MSRB3: variants seen among roughly 807,000 people sequenced by gnomAD.
The protein encoded by MSRB3 is methionine-R-sulfoxide reductase B3.
In MSRB3, 13 loss-of-function variants were observed where a neutral mutation model predicts 21.0. That is an observed-to-expected ratio of 0.62 (90% confidence interval 0.40 to 0.98). The LOEUF (loss-of-function observed/expected upper bound fraction) is 0.98. Ranked by LOEUF, MSRB3 falls within the 50% of genes least tolerant of loss-of-function variation. MSRB3 has a pLI of 0.00. For synonymous variants in MSRB3, 87 were observed against 88.6 expected (o/e 0.98, Z 0.10); for missense variants, 199 against 230.3 (o/e 0.86, Z 0.88).
At chr12:65,321,909 A>G (rs1177972475) in intron 2 of MSRB3, among the ~76,000 whole-genome samples, 1 of 152,196 alleles carries the variant, frequency 6.6e-6, no homozygotes, top group East Asian at 1.9e-4. Flanking sequence ...AACTCAAAGC[A>G]AAACAAGACA....
intron 5 of MSRB3, among the ~76,000 whole-genome samples, chr12:65,383,284 A>G (rs1166980109): frequency 6.6e-6 from 1 of 152,224 alleles, no homozygotes; most frequent in Non-Finnish European, 1.5e-5. Flanking sequence ...TAAAATTTGT[A>G]AAATAGTTTA....
intron 4 of MSRB3, among the ~76,000 whole-genome samples, chr12:65,356,069 G>A (rs1877363671): frequency 6.6e-6 from 1 of 151,870 alleles, no homozygotes; most frequent in Non-Finnish European, 1.5e-5. Context: ...AGATTTGAAG[G>A]AAGGGTTCTT....
rs189262950 is a variant in MSRB3 at position 65,364,410 on chromosome 12, A to G, written c.264-4588A>G. Among the ~76,000 whole-genome samples, 16 of 152,334 alleles carry G rather than the reference A, an allele frequency of 1.1e-4. No individual in the cohort carries two copies. In the East Asian group the frequency reaches 3.1e-3, roughly 29 times the overall value. ...AATCACCATCTTTTGGCAGTTGCCAAAAGAAACGGTTGAATAGTTTTGAAC... is the reference window on the plus strand; with the variant it reads ...AATCACCATCTTTTGGCAGTTGCCAGAAGAAACGGTTGAATAGTTTTGAAC... On this transcript the variant is annotated intron_variant, in intron 4 of 6. Coordinates refer to ENST00000308259, the MANE Select transcript of MSRB3 (RefSeq NM_001031679.3).
At chr12:65,289,199 A>G (rs550864572) in intron 1 of MSRB3, among the ~76,000 whole-genome samples, 143 of 152,364 alleles carry the variant, frequency 9.4e-4, no homozygotes, top group African/African-American at 3.4e-3. Flanking sequence ...TTAGAACATT[A>G]TATAAATGTT....
At chr12:65,355,637 T>G (rs1361012919) in intron 4 of MSRB3, among the ~76,000 whole-genome samples, 1 of 151,936 alleles carries the variant, frequency 6.6e-6, no homozygotes, top group Non-Finnish European at 1.5e-5. Context: ...TTTACTTCTA[T>G]GTACTCACTT....
chr12:65,316,703 TTATTATC>T (rs1183993175), intron 2 of MSRB3, among the ~76,000 whole-genome samples: 5 of 152,140 alleles, frequency 3.3e-5, no homozygotes, highest in Admixed American at 2.0e-4. Context: ...GGTTCAAATT[TTATTATC>T]TATAGGATGA....
intron 5 of MSRB3, among the ~76,000 whole-genome samples, chr12:65,398,279 C>T (rs990064040): frequency 6.6e-6 from 1 of 152,110 alleles, no homozygotes; most frequent in Non-Finnish European, 1.5e-5. Context: ...CTGTTGTTTC[C>T]TAACTTTTTG....
At chr12:65,365,620 A>G (rs1484743330) in intron 4 of MSRB3, among the ~76,000 whole-genome samples, 2 of 152,164 alleles carry the variant, frequency 1.3e-5, no homozygotes, top group African/African-American at 2.4e-5. Context: ...ACTTATTACT[A>G]GGCCTGGACC....
intron 5 of MSRB3, among the ~76,000 whole-genome samples, chr12:65,425,101 TA>T (rs1179393709): frequency 7.7e-6 from 1 of 130,618 alleles, no homozygotes; most frequent in Non-Finnish European, 1.7e-5. Context: ...GCTTTATCGT[TA>T]TATAATGGCC....
intron 5 of MSRB3, among the ~76,000 whole-genome samples, chr12:65,398,521 G>T (rs915845155): frequency 1.3e-5 from 2 of 152,060 alleles, no homozygotes; most frequent in Admixed American, 1.3e-4. Flanking sequence ...TTTGTCAGAT[G>T]GATAGATGGC....
chr12:65,297,150 A>T (rs61921471), intron 1 of MSRB3, among the ~76,000 whole-genome samples: 1 of 152,130 alleles, frequency 6.6e-6, no homozygotes, highest in Non-Finnish European at 1.5e-5. Flanking sequence ...GTTCTCACTT[A>T]TAAGTGGGGG....
At chr12:65,433,891 T>A (rs1592634378) in intron 5 of MSRB3, among the ~76,000 whole-genome samples, 1 of 151,872 alleles carries the variant, frequency 6.6e-6, no homozygotes, top group Admixed American at 6.6e-5. Flanking sequence ...GATGTGGCAG[T>A]TCAGGTTTTC....
At chr12:65,315,277 T>A (rs1018607590) in intron 2 of MSRB3, among the ~76,000 whole-genome samples, 2 of 152,224 alleles carry the variant, frequency 1.3e-5, no homozygotes, top group African/African-American at 4.8e-5. Context: ...AAATTTTAAA[T>A]CCTTATTTCA....
rs982344425 is a variant in MSRB3, at chr12:65,464,777, C to T, written c.*1455C>T. ...CAAACAGAATCCAAGTGGGGTGGCC[C>T]TTGTGCACAGAGCTCCAGGTGACCT... On this transcript the variant is annotated 3_prime_UTR_variant, in exon 7 of 7. Transcript: ENST00000308259. 2.0e-5 allele frequency: 3 copies of T among 152,200 alleles called. No individual in the cohort carries two copies. The highest frequency in any genetic ancestry group is 7.2e-5 in the African/African-American group (3 of 41,438). 9.4% of individuals were successfully genotyped at this position (152,200 alleles called of 1,614,324 possible).
Position 65,373,136 on chromosome 12 carries a change from C to A in MSRB3, c.292+4110C>A, listed in dbSNP as rs1878415366. 3.3e-5 allele frequency among the ~76,000 whole-genome samples: 5 copies of A among 152,068 alleles called. No homozygotes were observed. In the South Asian group the frequency reaches 1.0e-3, roughly 31 times the overall value. The stretch of plus-strand genomic sequence containing the variant: ...AAAAGACCAGGAGTTGGCTCTGTCG[C>A]CAAATTTCAAGAACATGCACGTCTC... On this transcript the variant is annotated intron_variant, in intron 5 of 6. Coordinates refer to ENST00000308259, the MANE Select transcript of MSRB3 (RefSeq NM_001031679.3).
chr12:65,374,308 TATTC>T (rs1345723123), intron 5 of MSRB3, among the ~76,000 whole-genome samples: 1 of 152,220 alleles, frequency 6.6e-6, no homozygotes, highest in Non-Finnish European at 1.5e-5. Context: ...ACTATTCATC[TATTC>T]ATTCATTCAT....
chr12:65,339,214 G>T (rs1415734533), intron 4 of MSRB3, among the ~76,000 whole-genome samples: 3 of 152,144 alleles, frequency 2.0e-5, no homozygotes, highest in Non-Finnish European at 4.4e-5. Context: ...TCTTTGTTGC[G>T]GGGAGCTGCC....
chr12:65,358,232 C>T (rs1877501067), intron 4 of MSRB3, among the ~76,000 whole-genome samples: 1 of 151,892 alleles, frequency 6.6e-6, no homozygotes, highest in Non-Finnish European at 1.5e-5. Context: ...ATCCTTCCAC[C>T]TCAACCCCCC....
intron 4 of MSRB3, among the ~76,000 whole-genome samples, chr12:65,364,781 A>C (rs1326413170): frequency 6.6e-6 from 1 of 152,184 alleles, no homozygotes; most frequent in African/African-American, 2.4e-5. Context: ...TCTGTATGTA[A>C]AATCTAATAG....
Sources: gnomAD v4.1 joint callset for allele counts (sites outside exome capture counted in the v4.1 genomes callset) on GRCh38, gnomAD v4.1.1 for gene constraint, MANE v1.5 for transcripts, NCBI Gene and HGNC (gene_info 2026-07-23, HGNC 2026-07-21) for gene names.